The following CKAP2L variants were observed in gnomAD, a reference collection of about 807,000 sequenced individuals.
CKAP2L encodes the protein cytoskeleton associated protein 2L, also known as cytoskeleton-associated protein 2-like.
A neutral mutation model predicts 65.7 loss-of-function variants in CKAP2L; 42 were observed. The observed-to-expected ratio is 0.64, with a 90% confidence interval of 0.50 to 0.83. The LOEUF (loss-of-function observed/expected upper bound fraction) is 0.83. Among genes scored for constraint, CKAP2L ranks in the 40% least tolerant of loss-of-function variants. The pLI is 0.00. For missense variants in CKAP2L, 908 were observed against 871.0 expected (o/e 1.04, Z -0.53); for synonymous variants, 325 against 313.5 (o/e 1.04, Z -0.39).
chr2:112,760,419 G>A (rs1429484512), intron 3 of CKAP2L, among the ~76,000 whole-genome samples: 1 of 152,192 alleles, frequency 6.6e-6, no homozygotes. Context: ...TGAGGACTCA[G>A]TGAGGTAATG....
intron 5 of CKAP2L, among the ~76,000 whole-genome samples, chr2:112,748,294 A>G (rs1680263678): frequency 2.0e-5 from 3 of 152,232 alleles, no homozygotes; most frequent in Admixed American, 6.5e-5. Context: ...GGGGGAAGAA[A>G]AGGATTACCT....
chr2:112,760,880 G>A (rs1680697772), intron 2 of CKAP2L, 116 bp from the exon 3 acceptor site: 1 of 630,244 alleles, frequency 1.6e-6, no homozygotes, highest in Admixed American at 3.0e-5. Flanking sequence ...TTTCTGTAAT[G>A]GCAAAATAAT....
chr2:112,753,665 T>C (rs562646581), intron 4 of CKAP2L, among the ~76,000 whole-genome samples: 2 of 151,590 alleles, frequency 1.3e-5, no homozygotes, highest in African/African-American at 4.8e-5. Flanking sequence ...GTAGCTGCAA[T>C]TACAGGCGCG....
At chr2:112,762,785 C>CTTTTT (rs78440426) in intron 1 of CKAP2L, among the ~76,000 whole-genome samples, 22 of 142,324 alleles carry the variant, frequency 1.5e-4, no homozygotes, top group African/African-American at 2.6e-4. Context: ...AAACTTACTA[C>CTTTTT]TTTTTTTTTT....
At chr2:112,764,463 G>T in intron 1 of CKAP2L, 99 bp downstream of exon 1, 2 of 1,334,222 alleles carry the variant, frequency 1.5e-6, no homozygotes, top group Non-Finnish European at 2.2e-6. Context: ...GCAGGCGAGC[G>T]GACGGGCACC....
rs1680545323 is a variant in CKAP2L at position 112,756,576 on chromosome 2, T to C, written c.795A>G (p.Ala265=). 1 of 1,612,882 alleles carries C rather than the reference T, an allele frequency of 6.2e-7. No individual in the cohort carries two copies. The highest frequency in any genetic ancestry group is 8.5e-7 in the Non-Finnish European group (1 of 1,179,628). Residue 265 remains alanine (A), a synonymous_variant, in exon 4 of 9, where the codon GCA becomes GCG. Coordinates refer to ENST00000302450, the MANE Select transcript of CKAP2L (RefSeq NM_152515.5). The part of the protein sequence containing the change: ...PVKSQQLSRG[A]DLARPGVKPS... ...GTTTTACTCCTGGTCTTGCAAGATC[T>C]GCTCCTCTAGAGAGTTGCTGTGATT...
intron 5 of CKAP2L, 40 bp from the exon 6 acceptor site, chr2:112,746,615 TTCACTGTTAGTC>T: frequency 6.8e-7 from 1 of 1,461,192 alleles, no homozygotes. Context: ...TTATTACCAT[TTCACTGTTAGTC>T]TCACATCTCC....
chr2:112,757,396 T>G (rs1262827898), intron 3 of CKAP2L, among the ~76,000 whole-genome samples, 182 bp from the exon 4 acceptor site: 4 of 147,336 alleles, frequency 2.7e-5, no homozygotes, highest in East Asian at 1.9e-4. Context: ...TTTTTTTTTT[T>G]TTTTTTTTTT....
At chr2:112,746,876 C>A (rs923667683) in intron 5 of CKAP2L, among the ~76,000 whole-genome samples, 1 of 151,942 alleles carries the variant, frequency 6.6e-6, no homozygotes, top group Admixed American at 6.6e-5. Flanking sequence ...CAACCTCCAC[C>A]TCCCAGGTTC....
chr2:112,760,980 T>C (rs890801091), intron 2 of CKAP2L, among the ~76,000 whole-genome samples: 15 of 151,442 alleles, frequency 9.9e-5, no homozygotes, highest in Non-Finnish European at 1.5e-4. Context: ...CCTACTCTTT[T>C]TTTTTTTGCC....
At position 112,741,111 on chromosome 2, in the gene CKAP2L, T is replaced by C. The variant is rs1018179323; in HGVS notation, c.1823-104A>G. The C allele has an allele frequency of 1.0e-5, 8 of 765,310 alleles. No homozygotes were observed. The African/African-American group carries it at 1.4e-4, about 13-fold the overall frequency. 47.4% of individuals were successfully genotyped at this position (765,310 alleles called of 1,614,324 possible). On this transcript the variant is annotated intron_variant, in intron 7 of 8. Coordinates refer to ENST00000302450, the MANE Select transcript of CKAP2L (RefSeq NM_152515.5). ...CATACATACAATGATTTCCCAGTGA[T>C]CTTCATGGGCTCCACATACTGAATA...
At chr2:112,755,341 T>C (rs916796752) in intron 4 of CKAP2L, among the ~76,000 whole-genome samples, 2 of 152,158 alleles carry the variant, frequency 1.3e-5, no homozygotes, top group African/African-American at 2.4e-5. Flanking sequence ...GGTTTCTCCA[T>C]GTTGGTCAGG....
At position 112,740,960 on chromosome 2, in the gene CKAP2L, C is replaced by G. The variant is rs557259876; in HGVS notation, c.1870G>C (p.Glu624Gln). 2 of 1,613,828 alleles carry G rather than the reference C, an allele frequency of 1.2e-6. No homozygotes were observed. The highest frequency in any genetic ancestry group is 2.2e-5 in the South Asian group (2 of 91,068). The part of the protein sequence containing the change: ...LVAETSITSV[E>Q]ELAKKMESVK... ...GATTCCATCTTCTTGGCCAGCTCTT[C>G]CACTGATGTTATACTAGTTTCAGCA... Residue 624 changes from glutamate to glutamine, a missense_variant, in exon 8 of 9, where the codon GAA becomes CAA. Physicochemically the swap from Glu to Gln is conservative, Grantham distance 29. Transcript: ENST00000302450.
chr2:112,761,179 G>A (rs961007657), intron 2 of CKAP2L, among the ~76,000 whole-genome samples: 3 of 152,000 alleles, frequency 2.0e-5, no homozygotes, highest in South Asian at 2.1e-4. Flanking sequence ...AAAAATTTCC[G>A]GCTGGGCGTA....
chr2:112,740,252 C>T (rs1679820344), intron 8 of CKAP2L, among the ~76,000 whole-genome samples: 1 of 152,066 alleles, frequency 6.6e-6, no homozygotes, highest in South Asian at 2.1e-4. Flanking sequence ...CTGTGCTTTC[C>T]AGGTAACTAA....
intron 1 of CKAP2L, among the ~76,000 whole-genome samples, chr2:112,762,785 C>A (rs888164606): frequency 7.0e-6 from 1 of 142,320 alleles, no homozygotes; most frequent in South Asian, 2.2e-4. Context: ...AAACTTACTA[C>A]TTTTTTTTTT....
rs575277420 is a variant in CKAP2L, at chr2:112,742,761, T to C, written c.1767A>G (p.Gln589=). Reference sequence around the variant, plus strand: ...TATTAAGAACAACTTTCCGCAACTCTTGTATTGGCTGGAAGGAAGGAAGAA... The same window carrying C: ...TATTAAGAACAACTTTCCGCAACTCCTGTATTGGCTGGAAGGAAGGAAGAA... ...EAIKNGATPI[Q]ELRKVVLNIL... Residue 589 remains glutamine, a synonymous_variant, in exon 7 of 9, where the codon CAA becomes CAG. Transcript: ENST00000302450. 1.9e-5 allele frequency: 31 copies of C among 1,608,082 alleles called. No homozygotes were observed. The East Asian group carries it at 6.2e-4, about 32-fold the overall frequency.
At chr2:112,764,150 G>A (rs190288226) in intron 1 of CKAP2L, 2 of 229,260 alleles carry the variant, frequency 8.7e-6, no homozygotes, top group South Asian at 5.1e-5. Context: ...CAGGAGACCC[G>A]GGCTTCGGCC....
chr2:112,752,266 C>T lies in CKAP2L; in HGVS notation c.1602+1G>A. 1 of 1,608,302 alleles carries T rather than the reference C, an allele frequency of 6.2e-7. No homozygotes were observed. Among genetic ancestry groups the T allele is most frequent in the South Asian group, 1.1e-5 (1 of 89,424 alleles). ...TGGAGGAGCTTATCTTCTTCACTTA[C>T]CCCTTCGATGAGGTTCAGACATTCT... On this transcript the variant is annotated splice_donor_variant, in intron 5 of 8. Transcript: ENST00000302450. LOFTEE classifies it high-confidence loss of function.
Sources: allele counts gnomAD v4.1 joint callset (sites outside exome capture counted in the v4.1 genomes callset), GRCh38; gene constraint gnomAD v4.1.1; transcripts MANE v1.5; gene names NCBI Gene and HGNC (gene_info 2026-07-23, HGNC 2026-07-21).